The following CDH18 variants were observed in gnomAD, a reference collection of about 807,000 sequenced individuals.
CDH18 encodes the protein cadherin-18.
In CDH18, 31 loss-of-function variants were observed where a neutral mutation model predicts 67.9. The observed-to-expected ratio is 0.46, with a 90% CI of 0.34 to 0.62. CDH18 has a LOEUF of 0.62. CDH18 is among the 20% of genes least tolerant of loss of function. CDH18 has a pLI of 0.01. For missense variants in CDH18, 890 were observed against 975.5 expected (o/e 0.91, Z 1.17); for synonymous variants, 362 against 347.2 (o/e 1.04, Z -0.48).
chr5:20,504,994 C>T (rs1320265881), intron 1 of CDH18, among the ~76,000 whole-genome samples: 2 of 151,962 alleles, frequency 1.3e-5, no homozygotes, highest in Non-Finnish European at 2.9e-5. Flanking sequence ...GTCTCGATCT[C>T]CTGACCTCGT....
chr5:20,134,170 C>T (rs927069977), intron 2 of CDH18, among the ~76,000 whole-genome samples: 2 of 152,062 alleles, frequency 1.3e-5, no homozygotes, highest in Admixed American at 1.3e-4. Flanking sequence ...GGAGTTTTGC[C>T]ATGTTGGCCG....
chr5:20,567,195 A>C (rs1327988823), intron 1 of CDH18, among the ~76,000 whole-genome samples: 1 of 152,168 alleles, frequency 6.6e-6, no homozygotes, highest in East Asian at 1.9e-4. Flanking sequence ...AAATATTTTA[A>C]ATGTTGGAAG....
chr5:20,083,642 A>T (rs1580199690), intron 2 of CDH18, among the ~76,000 whole-genome samples: 1 of 152,164 alleles, frequency 6.6e-6, no homozygotes, highest in South Asian at 2.1e-4. Flanking sequence ...TGATAAAGAC[A>T]TGCCTGTGAC....
At chr5:20,508,972 A>G (rs1306992203) in intron 1 of CDH18, among the ~76,000 whole-genome samples, 2 of 152,120 alleles carry the variant, frequency 1.3e-5, no homozygotes, top group Non-Finnish European at 2.9e-5. Context: ...ATAATTGACA[A>G]TTAAAAATTG....
Position 20,228,864 on chromosome 5 carries a change from AT to A in CDH18, c.-518+26579del, listed in dbSNP as rs1466166360. ...TGGCATATATACCCAATGGAATGCT[AT>A]TCAGTGAATATCCTCTTCTTGACAG... On this transcript the variant is annotated intron_variant, in intron 2 of 14. Transcript: ENST00000507958. 7.9e-5 allele frequency among the ~76,000 whole-genome samples: 12 copies of A among 152,242 alleles called. 1 individual carries two copies. In the East Asian group the frequency reaches 1.9e-3, roughly 24 times the overall value.
At chr5:19,621,164 A>T (rs936925124) in intron 5 of CDH18, among the ~76,000 whole-genome samples, 2 of 151,488 alleles carry the variant, frequency 1.3e-5, no homozygotes, top group Non-Finnish European at 2.9e-5. Context: ...TTGATATGAA[A>T]CTCATTGCAC....
At chr5:20,109,302 C>T (rs1314582739) in intron 2 of CDH18, among the ~76,000 whole-genome samples, 4 of 152,154 alleles carry the variant, frequency 2.6e-5, no homozygotes, top group African/African-American at 4.8e-5. Context: ...AATGCTCTGA[C>T]GAGAGACACA....
At chr5:20,485,477 G>A (rs7734721) in intron 1 of CDH18, among the ~76,000 whole-genome samples, 3,894 of 152,222 alleles carry the variant, frequency 0.026, 167 homozygotes, top group African/African-American at 0.089. Context: ...AACTAAATAT[G>A]TTAATTGTGT....
chr5:20,300,588 T>C (rs912392093), intron 1 of CDH18, among the ~76,000 whole-genome samples: 1 of 152,128 alleles, frequency 6.6e-6, no homozygotes, highest in Non-Finnish European at 1.5e-5. Context: ...AGATTCCCCA[T>C]ATCCTTAAGA....
intron 2 of CDH18, among the ~76,000 whole-genome samples, chr5:20,237,066 AC>A (rs558350007): frequency 1.1e-3 from 173 of 152,098 alleles, no homozygotes; most frequent in Middle Eastern, 3.4e-3. Context: ...TCTACATATA[AC>A]AAACTACTAA....
chr5:20,220,186 C>CA (rs1741112860), intron 2 of CDH18, among the ~76,000 whole-genome samples: 1 of 151,710 alleles, frequency 6.6e-6, no homozygotes, highest in South Asian at 2.1e-4. Context: ...GCAAAAAGAG[C>CA]AAAACGGGAG....
intron 3 of CDH18, among the ~76,000 whole-genome samples, chr5:19,755,500 T>TAC (rs1212390789): frequency 3.7e-5 from 4 of 107,262 alleles, no homozygotes; most frequent in Admixed American, 1.4e-4. Flanking sequence ...CACATATATA[T>TAC]ACACACACAC....
At chr5:19,949,888 G>A (rs1795623263) in intron 2 of CDH18, among the ~76,000 whole-genome samples, 1 of 151,926 alleles carries the variant, frequency 6.6e-6, no homozygotes, top group South Asian at 2.1e-4. Context: ...ACTTGCATGC[G>A]TGTGTTTAAA....
intron 2 of CDH18, among the ~76,000 whole-genome samples, chr5:20,208,630 T>C (rs1295543458): frequency 6.6e-6 from 1 of 151,116 alleles, no homozygotes; most frequent in Non-Finnish European, 1.5e-5. Flanking sequence ...GAAGAAAGCA[T>C]TGCAGAAATG....
At chr5:19,575,323 T>C (rs1742143699) in intron 7 of CDH18, among the ~76,000 whole-genome samples, 1 of 152,212 alleles carries the variant, frequency 6.6e-6, no homozygotes, top group African/African-American at 2.4e-5. Flanking sequence ...ACCATGGTGA[T>C]GATGGTGGTT....
At chr5:20,520,466 A>G (rs1755677983) in intron 1 of CDH18, among the ~76,000 whole-genome samples, 1 of 152,104 alleles carries the variant, frequency 6.6e-6, no homozygotes, top group South Asian at 2.1e-4. Flanking sequence ...CACACACTTA[A>G]GCTCCCACCT....
chr5:19,972,939 G>A (rs1393394107), intron 2 of CDH18, among the ~76,000 whole-genome samples: 1 of 151,652 alleles, frequency 6.6e-6, no homozygotes, highest in Non-Finnish European at 1.5e-5. Context: ...CTACTGAAGG[G>A]CTTTTGTGCC....
intron 9 of CDH18, among the ~76,000 whole-genome samples, chr5:19,527,323 A>G (rs1481906554): frequency 6.6e-6 from 1 of 151,752 alleles, no homozygotes; most frequent in South Asian, 2.1e-4. Flanking sequence ...ATTAATACAT[A>G]TTATAAACTA....
intron 5 of CDH18, among the ~76,000 whole-genome samples, chr5:19,628,520 T>C (rs1048478664): frequency 2.6e-5 from 4 of 152,006 alleles, no homozygotes; most frequent in Non-Finnish European, 5.9e-5. Flanking sequence ...CCTGGATATA[T>C]GTTGACGGTA....
Sources: gnomAD v4.1 joint callset for allele counts (sites outside exome capture counted in the v4.1 genomes callset) on GRCh38, gnomAD v4.1.1 for gene constraint, MANE v1.5 for transcripts, NCBI Gene and HGNC (gene_info 2026-07-23, HGNC 2026-07-21) for gene names.